KCNH5: variants seen among roughly 807,000 people sequenced by gnomAD.
The protein encoded by KCNH5 is voltage-gated delayed rectifier potassium channel KCNH5.
KCNH5 carries 46 observed loss-of-function variants against 96.1 expected under a neutral mutation model. The observed-to-expected ratio is 0.48, with a 90% CI of 0.38 to 0.61. The LOEUF is 0.61. KCNH5 is among the 20% of genes least tolerant of loss of function. The probability of loss-of-function intolerance (pLI) is 0.00; values close to 1 mark genes in which losing one functional copy is unlikely to be tolerated. For synonymous variants in KCNH5, 439 were observed against 449.8 expected, an observed-to-expected ratio of 0.98 and a Z score of 0.30; for missense variants, 907 against 1,225.8, an observed-to-expected ratio of 0.74 and a Z score of 3.88.
At chr14:62,949,125 C>T (rs1382983539) in intron 7 of KCNH5, among the ~76,000 whole-genome samples, 4 of 152,060 alleles carry the variant, frequency 2.6e-5, no homozygotes, top group Admixed American at 2.6e-4. Context: ...TCTCTCACCA[C>T]TCCTATTCAA....
intron 9 of KCNH5, among the ~76,000 whole-genome samples, chr14:62,797,026 T>C (rs1439212110): frequency 6.6e-6 from 1 of 152,174 alleles, no homozygotes; most frequent in Non-Finnish European, 1.5e-5. Context: ...GTTTCCAACA[T>C]GAATTTTCCT....
At chr14:62,730,279 C>T (rs762042084) in intron 10 of KCNH5, among the ~76,000 whole-genome samples, 6 of 152,110 alleles carry the variant, frequency 3.9e-5, no homozygotes, top group South Asian at 4.1e-4. Flanking sequence ...GGACAAGAAA[C>T]GTGGATAAAG....
At chr14:62,837,424 T>C (rs1352048397) in intron 8 of KCNH5, among the ~76,000 whole-genome samples, 1 of 152,200 alleles carries the variant, frequency 6.6e-6, no homozygotes, top group Non-Finnish European at 1.5e-5. Context: ...TACCTAAATA[T>C]TTGTGAATTC....
intron 7 of KCNH5, among the ~76,000 whole-genome samples, chr14:62,863,912 T>C (rs1302848727): frequency 1.3e-5 from 2 of 152,140 alleles, no homozygotes; most frequent in Non-Finnish European, 2.9e-5. Flanking sequence ...GGTGAATGAT[T>C]TATGGGCACC....
chr14:62,906,752 CT>C (rs36016729), intron 7 of KCNH5, among the ~76,000 whole-genome samples: 17 of 151,588 alleles, frequency 1.1e-4, no homozygotes, highest in Admixed American at 2.0e-4. Flanking sequence ...CATAACAAAA[CT>C]TTTTTTTTCT....
At chr14:62,878,772 G>A (rs1222420464) in intron 7 of KCNH5, among the ~76,000 whole-genome samples, 1 of 152,122 alleles carries the variant, frequency 6.6e-6, no homozygotes, top group Admixed American at 6.6e-5. Flanking sequence ...AGCTTAAGAT[G>A]TCAGCAGGGT....
At chr14:62,829,249 C>T (rs1463074432) in intron 8 of KCNH5, among the ~76,000 whole-genome samples, 1 of 152,112 alleles carries the variant, frequency 6.6e-6, no homozygotes, top group African/African-American at 2.4e-5. Context: ...CTCCATGGAT[C>T]TACCATTCTG....
chr14:62,773,553 A>G (rs1260809613), intron 10 of KCNH5, among the ~76,000 whole-genome samples: 8 of 152,200 alleles, frequency 5.3e-5, no homozygotes, highest in South Asian at 2.1e-4. Flanking sequence ...ATGCATGGCT[A>G]TATGGTGAGC....
chr14:62,874,132 G>A (rs991992942), intron 7 of KCNH5, among the ~76,000 whole-genome samples: 3 of 152,062 alleles, frequency 2.0e-5, no homozygotes, highest in South Asian at 4.1e-4. Flanking sequence ...AGGTTTTTGC[G>A]GGACACTTTG....
chr14:62,847,047 A>G (rs1238283324), intron 8 of KCNH5, among the ~76,000 whole-genome samples: 7 of 148,208 alleles, frequency 4.7e-5, no homozygotes, highest in East Asian at 3.9e-4. Flanking sequence ...TGATCCGCCC[A>G]CCTCGGCCTC....
intron 10 of KCNH5, among the ~76,000 whole-genome samples, chr14:62,765,875 C>T (rs536631852): frequency 1.3e-5 from 2 of 151,922 alleles, no homozygotes; most frequent in Non-Finnish European, 2.9e-5. Context: ...TTCTGCACAG[C>T]AAAGGATACA....
intron 4 of KCNH5, among the ~76,000 whole-genome samples, chr14:62,995,176 C>G (rs574270213): frequency 3.6e-4 from 55 of 152,110 alleles, no homozygotes; most frequent in African/African-American, 1.3e-3. Context: ...AATATCGATA[C>G]AAGTAGGAGA....
chr14:62,964,476 GACAC>G (rs111788496), intron 6 of KCNH5, among the ~76,000 whole-genome samples: 2 of 150,630 alleles, frequency 1.3e-5, no homozygotes, highest in Admixed American at 1.3e-4. Flanking sequence ...TATACTCACA[GACAC>G]ACACACACAC....
intron 4 of KCNH5, among the ~76,000 whole-genome samples, chr14:62,995,657 C>A (rs1000224909): frequency 6.6e-6 from 1 of 152,074 alleles, no homozygotes; most frequent in African/African-American, 2.4e-5. Flanking sequence ...TTCTCTTGTC[C>A]ACTCACTATT....
chr14:63,002,628 T>C (rs755476956), intron 3 of KCNH5, among the ~76,000 whole-genome samples: 6 of 152,168 alleles, frequency 3.9e-5, no homozygotes, highest in Middle Eastern at 3.4e-3. Flanking sequence ...TCTATTCCCA[T>C]GGCCTAAAAA....
intron 10 of KCNH5, among the ~76,000 whole-genome samples, chr14:62,746,763 G>A (rs78406613): frequency 0.028 from 4,249 of 152,188 alleles, 77 homozygotes; most frequent in South Asian, 0.059. Context: ...TTTCTTGAAC[G>A]GAATATTATT....
At chr14:62,748,089 G>A (rs990208845) in intron 10 of KCNH5, among the ~76,000 whole-genome samples, 1 of 152,158 alleles carries the variant, frequency 6.6e-6, no homozygotes, top group African/African-American at 2.4e-5. Flanking sequence ...CTTTGATCTT[G>A]CACCAGAAAG....
intron 1 of KCNH5, among the ~76,000 whole-genome samples, chr14:63,020,136 A>G (rs1259812116): frequency 1.3e-5 from 2 of 152,136 alleles, no homozygotes; most frequent in Non-Finnish European, 2.9e-5. Context: ...CTGCTGCTCA[A>G]TTACTAGAGT....
At chr14:62,951,870 G>A (rs138612334) in intron 6 of KCNH5, among the ~76,000 whole-genome samples, 343 of 151,858 alleles carry the variant, frequency 2.3e-3, no homozygotes, top group Non-Finnish European at 4.2e-3. Flanking sequence ...GCTGAGGCAG[G>A]GGGAATTGCT....
Sources: gnomAD v4.1 joint callset for allele counts (sites outside exome capture counted in the v4.1 genomes callset) on GRCh38, gnomAD v4.1.1 for gene constraint, MANE v1.5 for transcripts, NCBI Gene and HGNC (gene_info 2026-07-23, HGNC 2026-07-21) for gene names.